Variants in ARSG observed in about 807,000 individuals in gnomAD.
ARSG encodes the protein arylsulfatase G.
ARSG carries 37 observed loss-of-function variants against 50.5 expected under a neutral mutation model. That is an observed-to-expected ratio of 0.73 (90% CI 0.56 to 0.96). The LOEUF (loss-of-function observed/expected upper bound fraction) is 0.96, where lower values mean the gene tolerates loss of function less well. ARSG is among the 50% of genes least tolerant of loss of function. ARSG has a pLI of 0.00. For synonymous variants in ARSG, 225 were observed against 254.6 expected (o/e 0.88, Z 1.11); for missense variants, 629 against 675.3 (o/e 0.93, Z 0.76).
intron 8 of ARSG, among the ~76,000 whole-genome samples, chr17:68,380,179 TTTCC>T (rs886514747): frequency 2.0e-4 from 30 of 152,092 alleles, no homozygotes; most frequent in Middle Eastern, 3.4e-3. Flanking sequence ...CAATTTTCTT[TTTCC>T]TTCCTTCCTT....
intron 8 of ARSG, among the ~76,000 whole-genome samples, chr17:68,375,804 G>T (rs1032561073): frequency 2.0e-5 from 3 of 152,156 alleles, no homozygotes; most frequent in African/African-American, 7.2e-5. Context: ...AGCTGCCCCT[G>T]TGTCTGTGAG....
the ARSG span, among the ~76,000 whole-genome samples, chr17:68,439,384 C>T: frequency 2.0e-5 from 3 of 151,982 alleles, no homozygotes; most frequent in Admixed American, 6.6e-5. Flanking sequence ...ACAAAGGAAC[C>T]GATATTGTAT....
chr17:68,279,811 C>T (rs2075634881), intron 1 of ARSG, among the ~76,000 whole-genome samples: 1 of 152,134 alleles, frequency 6.6e-6, no homozygotes, highest in South Asian at 2.1e-4. Flanking sequence ...TTTAGCCTAA[C>T]TAAAAATTAA....
intron 1 of ARSG, among the ~76,000 whole-genome samples, chr17:68,297,317 A>G (rs782412318): frequency 1.7e-4 from 26 of 152,360 alleles, no homozygotes; most frequent in Non-Finnish European, 3.1e-4. Context: ...GATGCCAGCT[A>G]TTATTAGAGT....
intron 2 of ARSG, among the ~76,000 whole-genome samples, chr17:68,316,880 A>G (rs1262703419): frequency 6.6e-6 from 1 of 151,934 alleles, no homozygotes; most frequent in South Asian, 2.1e-4. Context: ...TGCTCTATCT[A>G]TTCCCAGACT....
rs749025698 is a variant in ARSG, at chr17:68,399,391, G to C, written c.1213-1969G>C. 4.6e-5 allele frequency among the ~76,000 whole-genome samples: 7 copies of C among 152,220 alleles called. No individual in the cohort carries two copies. The highest frequency in any genetic ancestry group is 4.6e-4 in the Admixed American group (7 of 15,288). The stretch of plus-strand genomic sequence containing the variant: ...GGACTTAAGGTAAAGGAATGCTCTC[G>C]TGCTTAAAAAACAAAACAAGATAAA... On this transcript the variant is annotated intron_variant, in intron 10 of 11. Transcript: ENST00000621439. The surrounding 1 kb of genome is among the most constrained non-coding windows in gnomAD (Gnocchi z 4.6).
At chr17:68,386,865 G>A (rs2080751782) in intron 9 of ARSG, among the ~76,000 whole-genome samples, 1 of 152,064 alleles carries the variant, frequency 6.6e-6, no homozygotes, top group South Asian at 2.1e-4. Flanking sequence ...ATAATGTAGG[G>A]CCTTAGAGGA....
At chr17:68,394,976 G>A in intron 9 of ARSG, 97 bp from the exon 10 acceptor site, 1 of 1,550,416 alleles carries the variant, frequency 6.4e-7, no homozygotes, top group Non-Finnish European at 8.8e-7. Context: ...GAGGCTGTGG[G>A]TGCTTGCTCT....
At chr17:68,441,425 G>A in the ARSG span, among the ~76,000 whole-genome samples, 2 of 152,230 alleles carry the variant, frequency 1.3e-5, no homozygotes, top group African/African-American at 4.8e-5. Context: ...GAGTGATTGT[G>A]TCTTCCTTCT....
chr17:68,362,955 A>G lies in ARSG; in HGVS notation c.705-5593A>G, dbSNP rs190181468. The stretch of plus-strand genomic sequence containing the variant: ...AAATATTTAATGAATGAATGAATGA[A>G]TGAGTGAGTTACTTATCCAGCTCCA... On this transcript the variant is annotated intron_variant, in intron 6 of 11. Transcript: ENST00000621439. Among the ~76,000 whole-genome samples the G allele has an allele frequency of 2.6e-3, 396 of 152,254 alleles. 3 individuals carry two copies. The highest frequency in any genetic ancestry group is 0.01 in the Middle Eastern group (3 of 294).
intron 9 of ARSG, among the ~76,000 whole-genome samples, chr17:68,390,419 G>A (rs1466983701): frequency 6.6e-6 from 1 of 152,162 alleles, no homozygotes; most frequent in Non-Finnish European, 1.5e-5. Context: ...AATGCAACCT[G>A]CAAAGATGTC....
In ARSG at chr17:68,351,566, C is replaced by T. The variant is rs777291625; in HGVS notation, c.455-9C>T. ...ACGTGGGGGTGCTAACCGGTTGCTT[C>T]TATTCCAGGTTTTGATTACTACTTT... On this transcript the variant is annotated splice_polypyrimidine_tract_variant and intron_variant, in intron 4 of 11. Coordinates refer to ENST00000621439, the MANE Select transcript of ARSG (RefSeq NM_001267727.2). 4.5e-6 allele frequency: 7 copies of T among 1,564,816 alleles called. No homozygotes were observed. The Admixed American group carries it at 1.0e-4, about 22-fold the overall frequency.
intron 2 of ARSG, among the ~76,000 whole-genome samples, chr17:68,318,272 C>T (rs979370172): frequency 3.9e-4 from 60 of 152,314 alleles, no homozygotes; most frequent in African/African-American, 1.4e-3. Flanking sequence ...ACTCTGAGAG[C>T]TCGGTGAATA....
chr17:68,432,006 G>T, the ARSG span, among the ~76,000 whole-genome samples: 1 of 152,090 alleles, frequency 6.6e-6, no homozygotes, highest in African/African-American at 2.4e-5. Context: ...ATGAATTAAG[G>T]CTCCAAAAAA....
At chr17:68,266,437 CTT>C (rs67615224) in intron 1 of ARSG, among the ~76,000 whole-genome samples, 35,431 of 83,864 alleles carry the variant, frequency 0.42, 7,248 homozygotes, top group East Asian at 0.52. Context: ...TATATATATA[CTT>C]TTTTTTGTAT....
At chr17:68,423,936 A>C (rs907401107), downstream of ARSG, among the ~76,000 whole-genome samples, 1 of 152,220 alleles carries the variant, frequency 6.6e-6, no homozygotes, top group South Asian at 2.1e-4. This position sits in a 1 kb window ranked among gnomAD's most constrained non-coding sequence, Gnocchi z 4.4. Flanking sequence ...AATTAGTGAA[A>C]CGGAACCTAG....
chr17:68,436,319 C>T, the ARSG span: 5 of 1,494,264 alleles, frequency 3.3e-6, no homozygotes, highest in Non-Finnish European at 4.7e-6. Context: ...CCTTATCTAT[C>T]TCCTTCCATG....
intron 1 of ARSG, chr17:68,273,802 A>T: frequency 8.6e-7 from 1 of 1,158,062 alleles, no homozygotes; most frequent in Non-Finnish European, 1.2e-6. Context: ...GATCTGAGAC[A>T]CTGTTAATGT....
intron 2 of ARSG, among the ~76,000 whole-genome samples, chr17:68,322,450 C>T (rs2077325994): frequency 6.6e-6 from 1 of 152,102 alleles, no homozygotes; most frequent in Admixed American, 6.6e-5. Flanking sequence ...AACCCCATCT[C>T]TACTAAAAAT....
Sources: allele counts gnomAD v4.1 joint callset (sites outside exome capture counted in the v4.1 genomes callset), GRCh38; gene constraint gnomAD v4.1.1; non-coding constraint Gnocchi (gnomAD v3.1); transcripts MANE v1.5; gene names NCBI Gene and HGNC (gene_info 2026-07-23, HGNC 2026-07-21).